Variants in SEL1L2 observed in about 807,000 individuals in gnomAD.
SEL1L2 encodes SEL1L2 adaptor subunit of SYVN1 ubiquitin ligase.
SEL1L2 carries 89 observed loss-of-function variants against 98.8 expected under a neutral mutation model. The observed-to-expected ratio is 0.90, with a 90% CI of 0.76 to 1.07. The LOEUF is 1.07. SEL1L2 is among the 50% of genes least tolerant of loss of function. The pLI is 0.00. For missense variants in SEL1L2, 788 were observed against 812.0 expected, an observed-to-expected ratio of 0.97 and a Z score of 0.36; for synonymous variants, 262 against 278.5, an observed-to-expected ratio of 0.94 and a Z score of 0.59.
intron 1 of SEL1L2, among the ~76,000 whole-genome samples, chr20:13,990,119 T>C (rs955911221): frequency 1.3e-5 from 2 of 152,222 alleles, no homozygotes; most frequent in African/African-American, 4.8e-5. Context: ...GTCTTATATT[T>C]TTCCTTTAAA....
At chr20:13,862,950 G>T (rs1990410013) in intron 17 of SEL1L2, among the ~76,000 whole-genome samples, 4 of 151,978 alleles carry the variant, frequency 2.6e-5, no homozygotes, top group Admixed American at 2.6e-4. Flanking sequence ...TCCCACCTCG[G>T]TCTCCCAAAG....
intron 17 of SEL1L2, among the ~76,000 whole-genome samples, chr20:13,860,183 G>A (rs969350178): frequency 1.3e-5 from 2 of 152,078 alleles, no homozygotes; most frequent in Admixed American, 6.6e-5. Context: ...ATTCAAACAC[G>A]CTCTGGCATC....
intron 1 of SEL1L2, among the ~76,000 whole-genome samples, chr20:13,958,073 C>G (rs774899966): frequency 7.9e-5 from 12 of 152,130 alleles, no homozygotes; most frequent in Admixed American, 7.9e-4. Flanking sequence ...ATATTGGGAC[C>G]ATGAATACTC....
chr20:13,961,280 T>G (rs1367233871), intron 1 of SEL1L2, among the ~76,000 whole-genome samples: 1 of 152,232 alleles, frequency 6.6e-6, no homozygotes, highest in East Asian at 1.9e-4. Context: ...AACTCCATTT[T>G]TTTAAAAAAC....
intron 1 of SEL1L2, among the ~76,000 whole-genome samples, chr20:13,960,226 A>C (rs2050718495): frequency 6.6e-6 from 1 of 152,218 alleles, no homozygotes; most frequent in Non-Finnish European, 1.5e-5. Flanking sequence ...ACAGAAGTAC[A>C]AACTGTCATG....
intron 10 of SEL1L2, among the ~76,000 whole-genome samples, chr20:13,884,019 C>T (rs998096013): frequency 5.9e-5 from 9 of 152,076 alleles, no homozygotes; most frequent in Non-Finnish European, 1.2e-4. Context: ...TCTTGGGGTG[C>T]GTATGCTTAT....
intron 1 of SEL1L2, among the ~76,000 whole-genome samples, chr20:13,972,299 T>A (rs2051321440): frequency 6.6e-6 from 1 of 152,236 alleles, no homozygotes; most frequent in African/African-American, 2.4e-5. Flanking sequence ...CTTTGTTTAA[T>A]GTTCTCCAGA....
intron 1 of SEL1L2, among the ~76,000 whole-genome samples, chr20:13,973,079 G>A (rs1262828456): frequency 6.6e-6 from 1 of 152,094 alleles, no homozygotes; most frequent in African/African-American, 2.4e-5. Context: ...CTCCCTGTCT[G>A]TTTGTATTAT....
intron 3 of SEL1L2, among the ~76,000 whole-genome samples, chr20:13,925,062 C>A (rs1201365780): frequency 6.6e-6 from 1 of 152,026 alleles, no homozygotes; most frequent in Non-Finnish European, 1.5e-5. Flanking sequence ...TTGCTTAAAC[C>A]CGGGAGAAGG....
chr20:13,888,961 C>CT lies in SEL1L2; in HGVS notation c.550-450dup, dbSNP rs35149100. Among the ~76,000 whole-genome samples, 421 of 127,912 alleles carry CT rather than the reference C, an allele frequency of 3.3e-3. 3 individuals carry two copies. Among genetic ancestry groups the CT allele is most frequent in the African/African-American group, 5.1e-3 (177 of 34,800 alleles). The allele number at this position is 127,912 out of a possible 152,430, so 83.9% of individuals were successfully genotyped here. ...GCTCCCGGCCTCTTTCTTTTCTTTT[C>CT]TTTTTTTTTTTTTTGAGACGAAATT... On this transcript the variant is annotated intron_variant, in intron 5 of 19. Transcript: ENST00000284951.
chr20:13,904,724 AT>A (rs1360059593), intron 5 of SEL1L2, among the ~76,000 whole-genome samples: 16 of 152,036 alleles, frequency 1.1e-4, no homozygotes, highest in Non-Finnish European at 2.2e-4. Flanking sequence ...CTTTTTAAGG[AT>A]ATCTTCTGCC....
At chr20:13,982,797 G>A (rs1019091012) in intron 1 of SEL1L2, among the ~76,000 whole-genome samples, 9 of 151,230 alleles carry the variant, frequency 6.0e-5, no homozygotes, top group Non-Finnish European at 1.0e-4. Flanking sequence ...AGGCCAAGGC[G>A]GGTGGATTAC....
intron 16 of SEL1L2, 32 bp from the exon 17 acceptor site, chr20:13,865,273 TTAAAA>T: frequency 6.2e-7 from 1 of 1,610,140 alleles, no homozygotes; most frequent in Non-Finnish European, 8.5e-7. Context: ...TTAGGAAGGC[TTAAAA>T]TGCCTCTGTA....
In SEL1L2 at chr20:13,896,482, AAAAC is replaced by A. The variant is rs953083022; in HGVS notation, c.550-7974_550-7971del. On this transcript the variant is annotated intron_variant, in intron 5 of 19. Coordinates refer to ENST00000284951, the MANE Select transcript of SEL1L2 (RefSeq NM_025229.2). ...GGGACGCAGTCTCAAAACAAAAACA[AAAAC>A]AAACAAATAAACAAACAACTCCCCC... is the stretch of plus-strand genomic sequence containing the variant. Among the ~76,000 whole-genome samples the A allele has an allele frequency of 5.3e-5, 8 of 151,978 alleles. 1 individual carries two copies. The highest frequency in any genetic ancestry group is 1.7e-4 in the African/African-American group (7 of 41,352).
chr20:13,982,093 C>T (rs1300684052), intron 1 of SEL1L2, among the ~76,000 whole-genome samples: 1 of 152,144 alleles, frequency 6.6e-6, no homozygotes, highest in Admixed American at 6.5e-5. Context: ...GAGCTATGTG[C>T]CCTTTTCAAC....
intron 5 of SEL1L2, among the ~76,000 whole-genome samples, chr20:13,896,843 T>G (rs1212021598): frequency 6.6e-6 from 1 of 152,164 alleles, no homozygotes; most frequent in Non-Finnish European, 1.5e-5. Flanking sequence ...TCAAAACAAT[T>G]ACAGATTTAA....
chr20:13,892,443 C>T (rs938943935), intron 5 of SEL1L2, among the ~76,000 whole-genome samples: 1 of 68,702 alleles, frequency 1.5e-5, no homozygotes, highest in African/African-American at 4.8e-5. Context: ...GAATGAGACT[C>T]CATCTCAAAA....
At chr20:13,927,378 T>A (rs1468255742) in intron 3 of SEL1L2, among the ~76,000 whole-genome samples, 1 of 152,222 alleles carries the variant, frequency 6.6e-6, no homozygotes, top group Non-Finnish European at 1.5e-5. Context: ...AGATCTTGCC[T>A]TTAAGCTATG....
intron 1 of SEL1L2, among the ~76,000 whole-genome samples, chr20:13,973,984 T>G (rs923924586): frequency 6.6e-6 from 1 of 152,232 alleles, no homozygotes; most frequent in Non-Finnish European, 1.5e-5. Flanking sequence ...AGGGGTAGTG[T>G]GCCCTTATTT....
Sources: allele counts gnomAD v4.1 joint callset (sites outside exome capture counted in the v4.1 genomes callset), GRCh38; gene constraint gnomAD v4.1.1; transcripts MANE v1.5; gene names NCBI Gene and HGNC (gene_info 2026-07-23, HGNC 2026-07-21).